The following SRSF4 variants were observed in gnomAD, a reference collection of about 807,000 sequenced individuals.
SRSF4 encodes serine/arginine-rich splicing factor 4.
In SRSF4, 12 loss-of-function variants were observed where a neutral mutation model predicts 48.8. The ratio of observed to expected loss-of-function variants is 0.25; its 90% CI spans 0.16 to 0.40. The LOEUF is 0.40. Ranked by LOEUF, SRSF4 falls within the 10% of genes least tolerant of loss-of-function variation. SRSF4 has a pLI of 1.00. For missense variants in SRSF4, 466 were observed against 667.1 expected, an observed-to-expected ratio of 0.70 and a Z score of 3.32; for synonymous variants, 248 against 232.5, an observed-to-expected ratio of 1.07 and a Z score of -0.61.
intron 1 of SRSF4, among the ~76,000 whole-genome samples, chr1:29,179,047 A>G (rs923907962): frequency 1.1e-4 from 16 of 152,152 alleles, no homozygotes; most frequent in Non-Finnish European, 2.2e-4. Context: ...CAGTTCCTTA[A>G]AAAAACCACC....
At chr1:29,172,156 A>G (rs1160954828) in intron 1 of SRSF4, 1 of 152,216 alleles carries the variant, frequency 6.6e-6, no homozygotes, top group African/African-American at 2.4e-5. Flanking sequence ...ATAAAAAAAA[A>G]TTTGATCACA....
At position 29,148,896 on chromosome 1, in the gene SRSF4, C is replaced by G. The variant is rs749905229; in HGVS notation, c.999G>C (p.Arg333=). 1 of 1,611,182 alleles carries G rather than the reference C, an allele frequency of 6.2e-7. No individual in the cohort carries two copies. The part of the protein sequence containing the change: ...QEKSLRQSRS[R]SRSKGGSRSR... The stretch of plus-strand genomic sequence containing the variant: ...TCCTGCTGCCCCCTTTGCTCCTGCT[C>G]CGGCTCCGACTCTGGCGGAGGCTCT... The change falls in exon 6 of 6, where the codon CGG becomes CGC. Residue 333 remains arginine, a synonymous_variant. Transcript: ENST00000373795.
In SRSF4 at chr1:29,181,886, C is replaced by CGTACGCGAGCT. The variant is rs1553325059; in HGVS notation, c.-135_-134insAGCTCGCGTAC. On this transcript the variant is annotated 5_prime_UTR_variant, in exon 1 of 6. Transcript: ENST00000373795. ...GACGGACGCAGCCGAACCCCGGCGA[C>CGTACGCGAGCT]GTACGCGAGCACGCAGCTCGCGAGC... The CGTACGCGAGCT allele has an allele frequency of 2.8e-5, 17 of 603,900 alleles. No homozygotes were observed. Among genetic ancestry groups the CGTACGCGAGCT allele is most frequent in the Non-Finnish European group, 4.2e-5 (17 of 400,808 alleles). 37.4% of individuals were successfully genotyped at this position (603,900 alleles called of 1,614,324 possible). A position where few individuals can be genotyped will look rare whatever the true frequency, so the allele number is the denominator to read the frequency against.
At chr1:29,167,866 A>AT (rs1384547949) in intron 1 of SRSF4, among the ~76,000 whole-genome samples, 1 of 152,184 alleles carries the variant, frequency 6.6e-6, no homozygotes. Flanking sequence ...AGAATGTATT[A>AT]TTATTCTTCT....
rs1032342262 is a variant in SRSF4, at chr1:29,148,285, T to C, written c.*125A>G. 2.1e-5 allele frequency: 27 copies of C among 1,310,130 alleles called. No homozygotes were observed. The highest frequency in any genetic ancestry group is 1.3e-4 in the South Asian group (10 of 78,550). The allele number at this position is 1,310,130 out of a possible 1,614,324, so 81.2% of individuals were successfully genotyped here. On this transcript the variant is annotated 3_prime_UTR_variant, in exon 6 of 6. Transcript: ENST00000373795. ...AGGAAGCACTTAGATTTAACAATTA[T>C]AGACACACCATTAGGGGAGTTAAAA...
chr1:29,168,012 CTTTT>C (rs5773233), intron 1 of SRSF4, among the ~76,000 whole-genome samples: 5 of 133,308 alleles, frequency 3.8e-5, no homozygotes, highest in Non-Finnish European at 6.3e-5. Context: ...GTTCTAATTC[CTTTT>C]TTTTTTTTTT....
At chr1:29,153,875 A>G (rs1054555115) in intron 4 of SRSF4, among the ~76,000 whole-genome samples, 8 of 152,072 alleles carry the variant, frequency 5.3e-5, no homozygotes, top group African/African-American at 1.9e-4. Context: ...TGCTGGGATT[A>G]CAGGCGTGAG....
chr1:29,159,177 T>C (rs1209800310), intron 3 of SRSF4, among the ~76,000 whole-genome samples, 197 bp downstream of exon 3: 1 of 152,106 alleles, frequency 6.6e-6, no homozygotes, highest in Non-Finnish European at 1.5e-5. Flanking sequence ...CTTAGAATGA[T>C]GGTCCCACAA....
chr1:29,154,481 A>G, intron 4 of SRSF4: 1 of 553,998 alleles, frequency 1.8e-6, no homozygotes, highest in Non-Finnish European at 3.1e-6. Flanking sequence ...AGGCGTGAGC[A>G]AGGCCTCTGA....
rs368721251 is a variant in SRSF4, at chr1:29,154,656, T to C, written c.578+40A>G. ...AATTATCTATGTGCTCACTAATGAATTTATGATGAGCTCCAACACACAAAA... is the reference window on the plus strand; with the variant it reads ...AATTATCTATGTGCTCACTAATGAACTTATGATGAGCTCCAACACACAAAA... On this transcript the variant is annotated intron_variant, in intron 4 of 5. Transcript: ENST00000373795. 269 of 1,589,596 alleles carry C rather than the reference T, an allele frequency of 1.7e-4. 1 individual carries two copies. The Middle Eastern group carries it at 2.2e-3, about 13-fold the overall frequency.
At chr1:29,179,285 G>C (rs1373469051) in intron 1 of SRSF4, among the ~76,000 whole-genome samples, 1 of 151,954 alleles carries the variant, frequency 6.6e-6, no homozygotes, top group African/African-American at 2.4e-5. Flanking sequence ...CTTCTTACTG[G>C]ACCATGTCTT....
rs60942124 is a variant in SRSF4, at chr1:29,175,694, C to CAAAAAAAAAAA, written c.107+5941_107+5951dup. On this transcript the variant is annotated intron_variant, in intron 1 of 5. Coordinates refer to ENST00000373795, the MANE Select transcript of SRSF4 (RefSeq NM_005626.5). ...TGGGCGACAGAGCCAGACGCTGTCT[C>CAAAAAAAAAAA]AAAAAAAAAAAAAAAAAAAAAAAAA... Among the ~76,000 whole-genome samples, 13 of 38,586 alleles carry CAAAAAAAAAAA rather than the reference C, an allele frequency of 3.4e-4. 1 individual carries two copies. Among genetic ancestry groups the CAAAAAAAAAAA allele is most frequent in the South Asian group, 2.2e-3 (1 of 460 alleles). 25.3% of individuals were successfully genotyped at this position (38,586 alleles called of 152,430 possible). A position where few individuals can be genotyped will look rare whatever the true frequency, so the allele number is the denominator to read the frequency against.
At chr1:29,157,522 G>C (rs974490441) in intron 3 of SRSF4, among the ~76,000 whole-genome samples, 4 of 152,146 alleles carry the variant, frequency 2.6e-5, no homozygotes, top group Non-Finnish European at 5.9e-5. Context: ...GTAAAGGTCT[G>C]CTACGGTGCT....
rs746948295 is a variant in SRSF4, at chr1:29,160,561, T to C, written c.108-44A>G. 29 of 1,555,004 alleles carry C rather than the reference T, an allele frequency of 1.9e-5. No individual in the cohort carries two copies. In the Admixed American group the frequency reaches 5.4e-4, roughly 29 times the overall value. Reference sequence around the variant, plus strand: ...AATACTGGTTGGTACCATTTTGACATCCAGCTTCACTAACATTAAAGAGAA... The same window carrying C: ...AATACTGGTTGGTACCATTTTGACACCCAGCTTCACTAACATTAAAGAGAA... On this transcript the variant is annotated intron_variant, in intron 1 of 5. Transcript: ENST00000373795.
At chr1:29,165,967 G>A (rs1269557624) in intron 1 of SRSF4, 1 of 152,250 alleles carries the variant, frequency 6.6e-6, no homozygotes, top group African/African-American at 2.4e-5. Context: ...AGCAGGATGT[G>A]AGTTTTGTTT....
At position 29,161,286 on chromosome 1, in the gene SRSF4, TATA is replaced by T. The variant is rs1672590757; in HGVS notation, c.108-772_108-770del. Among the ~76,000 whole-genome samples, 3 of 152,230 alleles carry T rather than the reference TATA, an allele frequency of 2.0e-5. No individual in the cohort carries two copies. In the South Asian group the frequency reaches 6.2e-4, roughly 31 times the overall value. Reference sequence around the variant, plus strand: ...TAAAGTGCAAAATTTGTAAGATACTTATAAGCAAGGTTATACAAATGCCCTGTA... The same window carrying T: ...TAAAGTGCAAAATTTGTAAGATACTTAGCAAGGTTATACAAATGCCCTGTA... On this transcript the variant is annotated intron_variant, in intron 1 of 5. Transcript: ENST00000373795.
At chr1:29,149,740 C>T (rs1039780246) in intron 5 of SRSF4, among the ~76,000 whole-genome samples, 11 of 148,610 alleles carry the variant, frequency 7.4e-5, no homozygotes, top group Non-Finnish European at 1.5e-5. Flanking sequence ...AGACTGGTCA[C>T]ATGATTGAAA....
At chr1:29,166,577 C>A (rs1017492673) in intron 1 of SRSF4, among the ~76,000 whole-genome samples, 1 of 152,186 alleles carries the variant, frequency 6.6e-6, no homozygotes, top group Admixed American at 6.5e-5. Flanking sequence ...TGTTTACAAC[C>A]CACAACTAAA....
chr1:29,177,611 G>A (rs898600779), intron 1 of SRSF4, among the ~76,000 whole-genome samples: 23 of 151,672 alleles, frequency 1.5e-4, no homozygotes, highest in African/African-American at 4.4e-4. Flanking sequence ...TTTATGGGGC[G>A]GGTAGAAAAG....
Sources: allele counts gnomAD v4.1 joint callset (sites outside exome capture counted in the v4.1 genomes callset), GRCh38; gene constraint gnomAD v4.1.1; transcripts MANE v1.5; gene names NCBI Gene and HGNC (gene_info 2026-07-23, HGNC 2026-07-21).